Variants in ZNF385D observed in about 807,000 individuals in gnomAD.
The protein encoded by ZNF385D is zinc finger protein 385D.
ZNF385D carries 15 observed loss-of-function variants against 35.8 expected under a neutral mutation model. The observed-to-expected ratio is 0.42, with a 90% CI of 0.28 to 0.64. The LOEUF (loss-of-function observed/expected upper bound fraction) is 0.64. Ranked by LOEUF, ZNF385D falls within the 30% of genes least tolerant of loss-of-function variation. The pLI, the probability that ZNF385D is intolerant of heterozygous loss-of-function variation, is 0.23. For missense variants in ZNF385D, 474 were observed against 494.6 expected (o/e 0.96, Z 0.39); for synonymous variants, 212 against 186.8 (o/e 1.13, Z -1.10).
intron 2 of ZNF385D, among the ~76,000 whole-genome samples, chr3:22,237,617 G>T (rs1699260162): frequency 6.6e-6 from 1 of 152,074 alleles, no homozygotes; most frequent in Non-Finnish European, 1.5e-5. Flanking sequence ...TTTCTCCTAA[G>T]ATTTGTATAC....
At chr3:22,244,678 A>T (rs1699679034) in intron 2 of ZNF385D, among the ~76,000 whole-genome samples, 1 of 151,122 alleles carries the variant, frequency 6.6e-6, no homozygotes, top group Non-Finnish European at 1.5e-5. Context: ...AAATGACTTC[A>T]TGGTCTGCAA....
chr3:21,894,500 A>G (rs1431359408), intron 3 of ZNF385D, among the ~76,000 whole-genome samples: 2 of 151,658 alleles, frequency 1.3e-5, no homozygotes, highest in African/African-American at 2.4e-5. Context: ...CTTTGTGATG[A>G]AAACACACTT....
intron 2 of ZNF385D, among the ~76,000 whole-genome samples, chr3:22,344,032 C>T (rs899092755): frequency 6.6e-6 from 1 of 152,108 alleles, no homozygotes; most frequent in Non-Finnish European, 1.5e-5. Flanking sequence ...CTTCATGATG[C>T]CTTCCCAGAA....
intron 2 of ZNF385D, among the ~76,000 whole-genome samples, chr3:21,590,972 A>T (rs1052788541): frequency 6.6e-6 from 1 of 152,052 alleles, no homozygotes; most frequent in Non-Finnish European, 1.5e-5. Flanking sequence ...AGGCAGGAGG[A>T]TCACTTGAGC....
At chr3:21,937,081 G>A (rs1004669090) in intron 3 of ZNF385D, among the ~76,000 whole-genome samples, 9 of 152,104 alleles carry the variant, frequency 5.9e-5, no homozygotes, top group African/African-American at 1.9e-4. Context: ...ATAGAAGTTA[G>A]CCTCACAGCT....
At chr3:22,070,936 A>G (rs1183589130) in intron 3 of ZNF385D, among the ~76,000 whole-genome samples, 1 of 152,190 alleles carries the variant, frequency 6.6e-6, no homozygotes, top group Non-Finnish European at 1.5e-5. Context: ...TCTTATTAAC[A>G]GTATAGGTGT....
intron 3 of ZNF385D, among the ~76,000 whole-genome samples, chr3:21,515,735 C>A (rs747905119): frequency 2.0e-5 from 3 of 152,134 alleles, no homozygotes; most frequent in Non-Finnish European, 2.9e-5. Context: ...ATAGGCCCTT[C>A]CTAAAATTGA....
chr3:22,253,112 A>G (rs1047290144), intron 2 of ZNF385D, among the ~76,000 whole-genome samples: 1 of 152,044 alleles, frequency 6.6e-6, no homozygotes, highest in African/African-American at 2.4e-5. Context: ...GGTCTCCCAC[A>G]CTGAGGGAAT....
intron 3 of ZNF385D, among the ~76,000 whole-genome samples, chr3:21,850,668 T>C (rs1696327003): frequency 6.6e-6 from 1 of 152,152 alleles, no homozygotes; most frequent in East Asian, 1.9e-4. Flanking sequence ...TGAACAGAAC[T>C]CACACGTGGT....
chr3:21,824,504 CAT>C (rs754045257), intron 3 of ZNF385D, among the ~76,000 whole-genome samples: 18 of 152,250 alleles, frequency 1.2e-4, no homozygotes, highest in Admixed American at 3.3e-4. Context: ...CATTTATGTA[CAT>C]ATGTCTGTAC....
At chr3:22,243,394 A>C (rs550412137) in intron 2 of ZNF385D, among the ~76,000 whole-genome samples, 2 of 151,264 alleles carry the variant, frequency 1.3e-5, no homozygotes, top group East Asian at 3.9e-4. Context: ...ACAGCTGAAT[A>C]CTTTGAAGGG....
chr3:21,964,380 G>GTAACTACT (rs1387319491), intron 3 of ZNF385D, among the ~76,000 whole-genome samples: 1 of 108,896 alleles, frequency 9.2e-6, no homozygotes, highest in African/African-American at 3.5e-5. Flanking sequence ...GAGAATCTTT[G>GTAACTACT]TAACTACTGG....
At chr3:21,834,540 T>C (rs148113915) in intron 3 of ZNF385D, among the ~76,000 whole-genome samples, 5 of 152,318 alleles carry the variant, frequency 3.3e-5, no homozygotes, top group African/African-American at 4.8e-5. Flanking sequence ...ATGGTTATCA[T>C]TGACCTGTTG....
At chr3:21,901,884 G>GAC (rs1272806357) in intron 3 of ZNF385D, among the ~76,000 whole-genome samples, 3 of 152,178 alleles carry the variant, frequency 2.0e-5, no homozygotes, top group Non-Finnish European at 2.9e-5. Flanking sequence ...AGGGAAGGAA[G>GAC]ACACAGAAGA....
intron 2 of ZNF385D, among the ~76,000 whole-genome samples, chr3:22,253,905 G>A (rs1700184138): frequency 6.6e-6 from 1 of 151,900 alleles, no homozygotes; most frequent in Admixed American, 6.6e-5. Context: ...TCTGTGCTGT[G>A]TTGAACACTA....
At chr3:21,431,602 C>T (rs1001772896) in intron 5 of ZNF385D, among the ~76,000 whole-genome samples, 1 of 152,138 alleles carries the variant, frequency 6.6e-6, no homozygotes, top group African/African-American at 2.4e-5. Flanking sequence ...TTAGATAGTA[C>T]AGCTCCAATA....
At chr3:22,005,598 C>A (rs542146599) in intron 3 of ZNF385D, among the ~76,000 whole-genome samples, 19 of 151,774 alleles carry the variant, frequency 1.3e-4, no homozygotes, top group Non-Finnish European at 2.5e-4. Context: ...CACATGTATC[C>A]CATAAGTATG....
Position 21,731,410 on chromosome 3 carries a change from C to T in ZNF385D, c.22+19485G>A, listed in dbSNP as rs141494491. 7.7e-3 allele frequency among the ~76,000 whole-genome samples: 1,173 copies of T among 152,220 alleles called. 10 individuals carry two copies. Among genetic ancestry groups the T allele is most frequent in the Non-Finnish European group, 0.013 (902 of 68,016 alleles). ...GGTAAGCACAGAGTTCTCATATACC[C>T]ACTGCCTTCACACACTCATAGCCTG... is the stretch of plus-strand genomic sequence containing the variant. On this transcript the variant is annotated intron_variant, in intron 1 of 7. Coordinates refer to ENST00000281523, the MANE Select transcript of ZNF385D (RefSeq NM_024697.3).
At chr3:21,587,377 G>A (rs2063842348) in intron 2 of ZNF385D, among the ~76,000 whole-genome samples, 1 of 152,118 alleles carries the variant, frequency 6.6e-6, no homozygotes, top group Non-Finnish European at 1.5e-5. Context: ...AAGACTGAAG[G>A]AGAGACTGGG....
Sources: allele counts gnomAD v4.1 joint callset (sites outside exome capture counted in the v4.1 genomes callset), GRCh38; gene constraint gnomAD v4.1.1; transcripts MANE v1.5; gene names NCBI Gene and HGNC (gene_info 2026-07-23, HGNC 2026-07-21).